Variants in CADM2 observed in about 807,000 individuals in gnomAD.
CADM2 encodes cell adhesion molecule 2.
In CADM2, 12 loss-of-function variants were observed where a neutral mutation model predicts 49.8. The observed-to-expected ratio is 0.24, with a 90% CI of 0.15 to 0.39. CADM2 has a LOEUF of 0.39. Among genes scored for constraint, CADM2 ranks in the 10% least tolerant of loss-of-function variants. The pLI is 1.00. For synonymous variants in CADM2, 214 were observed against 175.4 expected (o/e 1.22, Z -1.74); for missense variants, 378 against 492.3 (o/e 0.77, Z 2.20).
At chr3:85,944,677 C>G (rs939295741) in intron 7 of CADM2, among the ~76,000 whole-genome samples, 4 of 152,070 alleles carry the variant, frequency 2.6e-5, no homozygotes, top group Non-Finnish European at 5.9e-5. Flanking sequence ...TGAATGACTA[C>G]TGGGTACATA....
intron 1 of CADM2, among the ~76,000 whole-genome samples, chr3:85,303,978 C>CT (rs1211583481): frequency 2.0e-5 from 3 of 151,896 alleles, no homozygotes; most frequent in Admixed American, 1.3e-4. Flanking sequence ...GGATTCAATC[C>CT]TAGCACCCTC....
intron 8 of CADM2, among the ~76,000 whole-genome samples, chr3:86,010,465 T>C (rs960064369): frequency 1.3e-5 from 2 of 151,396 alleles, no homozygotes; most frequent in Admixed American, 1.3e-4. Context: ...GAAGAAAAAA[T>C]TTTAATGGCA....
chr3:85,292,356 C>T (rs899977683), intron 1 of CADM2, among the ~76,000 whole-genome samples: 281 of 150,608 alleles, frequency 1.9e-3, no homozygotes, highest in Non-Finnish European at 3.4e-3. Context: ...TTTAACACCC[C>T]ACTGTCAACA....
chr3:85,053,398 C>T (rs1458618394), intron 1 of CADM2, among the ~76,000 whole-genome samples: 1 of 151,744 alleles, frequency 6.6e-6, no homozygotes, highest in East Asian at 1.9e-4. Flanking sequence ...ACATACAGGA[C>T]AAGTGACCAA....
chr3:85,694,265 GA>G (rs1559597254), intron 1 of CADM2, among the ~76,000 whole-genome samples: 1 of 152,182 alleles, frequency 6.6e-6, no homozygotes, highest in Non-Finnish European at 1.5e-5. Flanking sequence ...TGTATTTGGA[GA>G]TAGGACCTTT....
chr3:85,251,747 G>T (rs1398879450), intron 1 of CADM2, among the ~76,000 whole-genome samples: 1 of 151,860 alleles, frequency 6.6e-6, no homozygotes, highest in East Asian at 1.9e-4. Context: ...TTCTACTCAG[G>T]CAGAGAAACC....
At chr3:85,180,867 A>T (rs982943098) in intron 1 of CADM2, among the ~76,000 whole-genome samples, 10 of 152,182 alleles carry the variant, frequency 6.6e-5, no homozygotes, top group Admixed American at 1.3e-4. Flanking sequence ...TCCACAAAAA[A>T]GTTTTGGCTG....
intron 6 of CADM2, among the ~76,000 whole-genome samples, chr3:85,922,575 T>C (rs1719266796): frequency 6.6e-6 from 1 of 152,084 alleles, no homozygotes; most frequent in Non-Finnish European, 1.5e-5. Flanking sequence ...TTGGCATGCA[T>C]GATCCTGAAA....
At chr3:85,216,992 G>A (rs1312398740) in intron 1 of CADM2, among the ~76,000 whole-genome samples, 2 of 151,674 alleles carry the variant, frequency 1.3e-5, no homozygotes, top group Non-Finnish European at 2.9e-5. Flanking sequence ...ATTTAATTAA[G>A]GGAGAATGCA....
At chr3:85,611,911 A>T (rs1395677112) in intron 1 of CADM2, among the ~76,000 whole-genome samples, 1 of 151,832 alleles carries the variant, frequency 6.6e-6, no homozygotes, top group Non-Finnish European at 1.5e-5. Context: ...AAAGGTTAAG[A>T]GTAGAGAAGA....
intron 1 of CADM2, among the ~76,000 whole-genome samples, chr3:85,213,569 A>T (rs2041853917): frequency 6.6e-6 from 1 of 152,046 alleles, no homozygotes; most frequent in Non-Finnish European, 1.5e-5. Context: ...ATATCTGCTA[A>T]GTGGTCTATA....
intron 1 of CADM2, among the ~76,000 whole-genome samples, chr3:84,963,852 C>CA (rs2030758781): frequency 6.6e-6 from 1 of 152,158 alleles, no homozygotes; most frequent in African/African-American, 2.4e-5. Context: ...TTGGCAAGCT[C>CA]ATTTCTTATG....
intron 1 of CADM2, among the ~76,000 whole-genome samples, chr3:85,096,356 A>C (rs945857489): frequency 3.9e-5 from 6 of 151,914 alleles, no homozygotes; most frequent in Admixed American, 2.6e-4. Flanking sequence ...GTTGATATAG[A>C]TCACTAAACA....
chr3:85,583,218 T>C (rs942672077), intron 1 of CADM2, among the ~76,000 whole-genome samples: 3 of 152,142 alleles, frequency 2.0e-5, no homozygotes, highest in Non-Finnish European at 4.4e-5. Flanking sequence ...TGTATGGCTT[T>C]GTAAATTTGG....
At chr3:85,302,523 T>C (rs967608116) in intron 1 of CADM2, among the ~76,000 whole-genome samples, 20 of 152,076 alleles carry the variant, frequency 1.3e-4, no homozygotes, top group African/African-American at 4.6e-4. Context: ...TTTTAATCGT[T>C]GAAATGTCAA....
chr3:85,940,548 A>G (rs1035447239), intron 7 of CADM2, among the ~76,000 whole-genome samples: 7 of 152,156 alleles, frequency 4.6e-5, no homozygotes, highest in Non-Finnish European at 1.0e-4. Flanking sequence ...GTACTTTAAA[A>G]TAATATTAAT....
chr3:85,300,348 GTTCT>G (rs771919421), intron 1 of CADM2, among the ~76,000 whole-genome samples: 14 of 151,986 alleles, frequency 9.2e-5, no homozygotes, highest in Non-Finnish European at 1.5e-4. Flanking sequence ...TTCTGAAATT[GTTCT>G]TTCTATTTTT....
chr3:85,118,757 T>G (rs1327394625), intron 1 of CADM2, among the ~76,000 whole-genome samples: 3 of 152,172 alleles, frequency 2.0e-5, no homozygotes, highest in Non-Finnish European at 4.4e-5. Flanking sequence ...ATTTATTTAC[T>G]TATTTATTTG....
At chr3:85,763,680 C>A (rs1014868732) in intron 2 of CADM2, among the ~76,000 whole-genome samples, 29 of 152,126 alleles carry the variant, frequency 1.9e-4, no homozygotes, top group African/African-American at 7.0e-4. Flanking sequence ...TAATCAATTG[C>A]CAGTCTGCAG....
Sources: gnomAD v4.1 joint callset for allele counts (sites outside exome capture counted in the v4.1 genomes callset) on GRCh38, gnomAD v4.1.1 for gene constraint, MANE v1.5 for transcripts, NCBI Gene and HGNC (gene_info 2026-07-23, HGNC 2026-07-21) for gene names.